The following MAGI1 variants were observed in gnomAD, a reference collection of about 807,000 sequenced individuals.
MAGI1 encodes membrane associated guanylate kinase, WW and PDZ domain containing 1, also known as membrane-associated guanylate kinase, WW and PDZ domain-containing protein 1.
A neutral mutation model predicts 139.9 loss-of-function variants in MAGI1; 58 were observed. The ratio of observed to expected loss-of-function variants is 0.41; its 90% CI spans 0.34 to 0.52. MAGI1 has a LOEUF of 0.52. MAGI1 is among the 20% of genes least tolerant of loss of function. The pLI is 0.12. For synonymous variants in MAGI1, 812 were observed against 737.9 expected, an observed-to-expected ratio of 1.10 and a Z score of -1.63; for missense variants, 1,874 against 1,901.6, an observed-to-expected ratio of 0.99 and a Z score of 0.27.
chr3:65,625,636 A>C (rs1482923706), intron 1 of MAGI1, among the ~76,000 whole-genome samples: 2 of 152,180 alleles, frequency 1.3e-5, no homozygotes, highest in African/African-American at 4.8e-5. Context: ...TGAAAGATGG[A>C]AATTATAATT....
At chr3:66,035,554 C>T (rs529137863) in intron 1 of MAGI1, among the ~76,000 whole-genome samples, 1 of 152,086 alleles carries the variant, frequency 6.6e-6, no homozygotes, top group Non-Finnish European at 1.5e-5. Flanking sequence ...GTAATGAAGA[C>T]GTCAGAAGAT....
rs377182347 is a variant in MAGI1, at chr3:65,493,497, G to A, written c.550+15C>T. ...CAGGAGAGAAGCTTTTTATGCTGTC[G>A]TACAAGTAACTCACCTTCATAGGTG... On this transcript the variant is annotated intron_variant, in intron 3 of 22. Coordinates refer to ENST00000402939, the MANE Select transcript of MAGI1 (RefSeq NM_001033057.2). 2.0e-4 allele frequency: 321 copies of A among 1,614,018 alleles called. 2 individuals are homozygous for A. Among genetic ancestry groups the A allele is most frequent in the South Asian group, 8.7e-4 (79 of 91,074 alleles).
intron 1 of MAGI1, among the ~76,000 whole-genome samples, chr3:65,700,171 C>T (rs1476734596): frequency 1.1e-4 from 16 of 152,126 alleles, no homozygotes; most frequent in South Asian, 4.1e-4. Context: ...AGGCTGGGCG[C>T]GGTGACTCAC....
intron 1 of MAGI1, among the ~76,000 whole-genome samples, chr3:65,914,507 C>A (rs1268409780): frequency 1.3e-5 from 2 of 152,128 alleles, no homozygotes; most frequent in African/African-American, 4.8e-5. Flanking sequence ...AGAGTTCAAG[C>A]CAAGCCTCAA....
intron 1 of MAGI1, among the ~76,000 whole-genome samples, chr3:65,799,443 T>C (rs2040373437): frequency 6.6e-6 from 1 of 152,212 alleles, no homozygotes; most frequent in Non-Finnish European, 1.5e-5. Flanking sequence ...CAAGATAAGC[T>C]TGTACCGAAA....
At chr3:65,633,849 T>C (rs1380431360) in intron 1 of MAGI1, among the ~76,000 whole-genome samples, 1 of 152,230 alleles carries the variant, frequency 6.6e-6, no homozygotes, top group African/African-American at 2.4e-5. Context: ...AACAGCTGCA[T>C]AGCCTCACCA....
chr3:65,932,054 G>GA (rs2062830229), intron 1 of MAGI1, among the ~76,000 whole-genome samples: 2 of 152,170 alleles, frequency 1.3e-5, no homozygotes, highest in East Asian at 1.9e-4. Flanking sequence ...GGAAACAGGG[G>GA]AAAAAATCGT....
At chr3:65,417,175 G>A (rs541256938) in intron 12 of MAGI1, among the ~76,000 whole-genome samples, 4 of 152,302 alleles carry the variant, frequency 2.6e-5, no homozygotes, top group African/African-American at 9.6e-5. Context: ...CTGTCGGAGG[G>A]CGGCAGGGGT....
chr3:65,408,393 G>A (rs1488354600), intron 12 of MAGI1, among the ~76,000 whole-genome samples: 5 of 152,190 alleles, frequency 3.3e-5, no homozygotes, highest in South Asian at 2.1e-4. Context: ...CAGCAAAAGT[G>A]CTGCTCCCTG....
At chr3:65,658,273 ACT>A (rs34493905) in intron 1 of MAGI1, among the ~76,000 whole-genome samples, 46,299 of 151,868 alleles carry the variant, frequency 0.3, 8,443 homozygotes, top group East Asian at 0.57. Context: ...TATAAATATC[ACT>A]GTTGACTTTT....
At chr3:65,662,041 C>G (rs946715637) in intron 1 of MAGI1, among the ~76,000 whole-genome samples, 5 of 152,180 alleles carry the variant, frequency 3.3e-5, no homozygotes, top group African/African-American at 1.2e-4. Context: ...GCCACCATGC[C>G]CAGCCTCATC....
intron 1 of MAGI1, among the ~76,000 whole-genome samples, chr3:65,988,320 C>T (rs1035210577): frequency 6.6e-6 from 1 of 152,178 alleles, no homozygotes; most frequent in Admixed American, 6.5e-5. Flanking sequence ...GCAGGCATAA[C>T]TGTGCTGTTG....
At chr3:65,988,790 T>C (rs2066015194) in intron 1 of MAGI1, among the ~76,000 whole-genome samples, 1 of 152,236 alleles carries the variant, frequency 6.6e-6, no homozygotes. Context: ...ACACCTAATA[T>C]GAAATATTTT....
intron 1 of MAGI1, among the ~76,000 whole-genome samples, chr3:65,658,681 A>C (rs778098288): frequency 1.3e-5 from 2 of 152,170 alleles, no homozygotes; most frequent in Non-Finnish European, 2.9e-5. Flanking sequence ...GGGAGGAGCA[A>C]GGCTATGGAA....
At chr3:65,499,669 A>C (rs1329302285) in intron 2 of MAGI1, among the ~76,000 whole-genome samples, 3 of 152,214 alleles carry the variant, frequency 2.0e-5, no homozygotes, top group African/African-American at 7.2e-5. Context: ...ACCTGAAGGA[A>C]TGCCTTTAAT....
At chr3:65,620,029 T>G in intron 2 of MAGI1, 2 of 981,716 alleles carry the variant, frequency 2.0e-6, no homozygotes, top group South Asian at 9.4e-5. Context: ...GTGGTAAGCT[T>G]AAAATCAAGC....
At chr3:65,901,307 C>T (rs2061222073) in intron 1 of MAGI1, among the ~76,000 whole-genome samples, 1 of 152,204 alleles carries the variant, frequency 6.6e-6, no homozygotes, top group Non-Finnish European at 1.5e-5. Flanking sequence ...AGACCAGAGA[C>T]TGGGAGCTCA....
rs142021683 is a variant in MAGI1 at position 65,768,645 on chromosome 3, T to A, written c.314-146557A>T. 9.2e-3 allele frequency among the ~76,000 whole-genome samples: 1,399 copies of A among 152,314 alleles called. 10 individuals carry two copies. The highest frequency in any genetic ancestry group is 0.012 in the Non-Finnish European group (843 of 68,026). On this transcript the variant is annotated intron_variant, in intron 1 of 22. Coordinates refer to ENST00000402939, the MANE Select transcript of MAGI1 (RefSeq NM_001033057.2). ...TAATAACAGCCAGCTATGGGTAGAA[T>A]GACTTTATTCACATCTATTAATAAA... is the stretch of plus-strand genomic sequence containing the variant.
chr3:65,744,816 G>A (rs376678195), intron 1 of MAGI1, among the ~76,000 whole-genome samples: 8 of 151,944 alleles, frequency 5.3e-5, no homozygotes, highest in Non-Finnish European at 8.8e-5. Flanking sequence ...TATATAAAAC[G>A]AAATTTGCCA....
Sources: gnomAD v4.1 joint callset for allele counts (sites outside exome capture counted in the v4.1 genomes callset) on GRCh38, gnomAD v4.1.1 for gene constraint, MANE v1.5 for transcripts, NCBI Gene and HGNC (gene_info 2026-07-23, HGNC 2026-07-21) for gene names.